ATRAID: variants seen among roughly 807,000 people sequenced by gnomAD.
The protein encoded by ATRAID is all-trans retinoic acid induced differentiation factor, also known as all-trans retinoic acid-induced differentiation factor.
In ATRAID, 26 loss-of-function variants were observed where a neutral mutation model predicts 28.8. The observed-to-expected ratio is 0.90, with a 90% CI of 0.66 to 1.25. The LOEUF (loss-of-function observed/expected upper bound fraction) is 1.25, where lower values mean the gene tolerates loss of function less well. Ranked by LOEUF, ATRAID falls within the 50% of genes most tolerant of loss-of-function variation. The pLI, the probability that ATRAID is intolerant of heterozygous loss-of-function variation, is 0.00. For synonymous variants in ATRAID, 131 were observed against 108.5 expected, an observed-to-expected ratio of 1.21 and a Z score of -1.29; for missense variants, 308 against 285.9, an observed-to-expected ratio of 1.08 and a Z score of -0.56.
At chr2:27,216,646 G>C (rs781457675) in intron 6 of ATRAID, 26 bp downstream of exon 6, 1 of 1,585,952 alleles carries the variant, frequency 6.3e-7, no homozygotes, top group African/African-American at 1.3e-5. Flanking sequence ...GTCTAACTAG[G>C]GATACAAGGA....
At chr2:27,216,378 T>C (rs1484881226) in intron 5 of ATRAID, 145 bp from the exon 6 acceptor site, 10 of 713,408 alleles carry the variant, frequency 1.4e-5, no homozygotes, top group South Asian at 6.7e-5. Context: ...GGCCTGACAT[T>C]ATTGTTACTG....
chr2:27,215,208 A>G, intron 2 of ATRAID, 113 bp from the exon 3 acceptor site: 1 of 1,048,212 alleles, frequency 9.5e-7, no homozygotes, highest in South Asian at 1.4e-5. Context: ...GACTCTGAAC[A>G]CAGCTGTGTT....
intron 5 of ATRAID, 107 bp downstream of exon 5, chr2:27,215,860 T>C (rs1674805977): frequency 7.0e-7 from 1 of 1,428,642 alleles, no homozygotes. Context: ...TTCAGAGTTC[T>C]GGGGCTATAA....
At position 27,215,620 on chromosome 2, in the gene ATRAID, A is replaced by G; in HGVS notation, c.366-12A>G. 6.2e-7 allele frequency: 1 copy of G among 1,614,178 alleles called. No individual in the cohort carries two copies. Among genetic ancestry groups the G allele is most frequent in the Non-Finnish European group, 8.5e-7 (1 of 1,180,020 alleles). On this transcript the variant is annotated splice_polypyrimidine_tract_variant and intron_variant, in intron 4 of 6. Transcript: ENST00000380171. ...TAGCAACTTTGCATGTTATGACCAC[A>G]TTTCTCTATAGGATACTGCCACAAC... is the stretch of plus-strand genomic sequence containing the variant.
chr2:27,212,532 C>T, intron 1 of ATRAID, 65 bp downstream of exon 1: 1 of 1,505,842 alleles, frequency 6.6e-7, no homozygotes. Context: ...TCGCGCTCGC[C>T]AGCGGCTCCC....
rs1558522949 is a variant in ATRAID, at chr2:27,216,892, C to CT, written c.635dup (p.Ser213IlefsTer31). On this transcript the variant is annotated frameshift_variant, in exon 7 of 7. Coordinates refer to ENST00000380171, the MANE Select transcript of ATRAID (RefSeq NM_001170795.4). LOFTEE classifies it high-confidence loss of function. ...CTTCGGGATTCTGGGAGCCACCACT[C>CT]TATCCGTCTCCATTCTGCTTTGGGC... The CT allele has an allele frequency of 6.2e-7, 1 of 1,614,236 alleles. No homozygotes were observed. Among genetic ancestry groups the CT allele is most frequent in the Admixed American group, 1.7e-5 (1 of 60,028 alleles).
Position 27,212,290 on chromosome 2 carries a change from G to A in ATRAID, c.-79G>A. On this transcript the variant is annotated 5_prime_UTR_variant, in exon 1 of 7. Coordinates refer to ENST00000380171, the MANE Select transcript of ATRAID (RefSeq NM_001170795.4). Reference sequence around the variant, plus strand: ...GACCGGGCCGCTTAGGCCACGCCCGGGGAAGAGGGCCTGACGCGCTGCGGG... The same window carrying A: ...GACCGGGCCGCTTAGGCCACGCCCGAGGAAGAGGGCCTGACGCGCTGCGGG... 1 of 1,552,856 alleles carries A rather than the reference G, an allele frequency of 6.4e-7. No homozygotes were observed.
rs1013160176 is a variant in ATRAID, at chr2:27,212,127, G to A, written c.-242G>A. On this transcript the variant is annotated 5_prime_UTR_variant, in exon 1 of 7. Transcript: ENST00000380171. ...TGCAGTCGGCTCCGGGAAGCCGCGCGGCGACGGGGGAGGCCTTCACTAAAG... is the reference window on the plus strand; with the variant it reads ...TGCAGTCGGCTCCGGGAAGCCGCGCAGCGACGGGGGAGGCCTTCACTAAAG... 4 of 1,504,368 alleles carry A rather than the reference G, an allele frequency of 2.7e-6. No homozygotes were observed. The African/African-American group carries it at 5.8e-5, about 22-fold the overall frequency. 93.2% of individuals were successfully genotyped at this position (1,504,368 alleles called of 1,614,324 possible). A position where few individuals can be genotyped will look rare whatever the true frequency, so the allele number is the denominator to read the frequency against.
intron 6 of ATRAID, 76 bp downstream of exon 6, chr2:27,216,696 A>AC (rs1674853851): frequency 6.8e-7 from 1 of 1,476,244 alleles, no homozygotes; most frequent in African/African-American, 1.4e-5. Flanking sequence ...GAGCCACAAG[A>AC]CCAGGAGCTG....
chr2:27,215,145 C>T (rs1348733978), intron 2 of ATRAID, among the ~76,000 whole-genome samples, 176 bp from the exon 3 acceptor site: 2 of 152,012 alleles, frequency 1.3e-5, no homozygotes, highest in Non-Finnish European at 2.9e-5. Flanking sequence ...TGGCAAGTGG[C>T]GATTCTATTG....
chr2:27,212,626 CACGTCGTGCA>C, intron 1 of ATRAID, 159 bp downstream of exon 1: 1 of 1,414,632 alleles, frequency 7.1e-7, no homozygotes, highest in East Asian at 2.7e-5. Flanking sequence ...CCCAAGTACT[CACGTCGTGCA>C]GGCCTTCGGC....
Position 27,213,256 on chromosome 2 carries a change from T to C in ATRAID, c.179T>C (p.Leu60Pro), listed in dbSNP as rs754830231. 6.2e-7 allele frequency: 1 copy of C among 1,614,214 alleles called. No individual in the cohort carries two copies. Residue 60 changes from leucine (L) to proline (P), a missense_variant, in exon 2 of 7, where the codon CTG becomes CCG. Leu to Pro is a moderately conservative substitution (Grantham distance 98). Coordinates refer to ENST00000380171, the MANE Select transcript of ATRAID (RefSeq NM_001170795.4). ...TGTAAAACGACACGAGAGCTAATGC[T>C]GCATGCCCGTTGCTGCCTGAATCAG... is the stretch of plus-strand genomic sequence containing the variant. ...FYCKTTRELM[L>P]HARCCLNQKG...
At chr2:27,213,052 A>G in intron 1 of ATRAID, 125 bp from the exon 2 acceptor site, 1 of 1,222,594 alleles carries the variant, frequency 8.2e-7, no homozygotes, top group Non-Finnish European at 1.2e-6. Context: ...CGAGCCGTTT[A>G]TCCATTTATC....
chr2:27,212,527 C>T, intron 1 of ATRAID, 60 bp downstream of exon 1: 1 of 1,507,348 alleles, frequency 6.6e-7, no homozygotes, highest in East Asian at 2.5e-5. Flanking sequence ...GTGCGTCGCG[C>T]TCGCCAGCGG....
At chr2:27,215,592 G>A (rs759659778) in intron 4 of ATRAID, 40 bp from the exon 5 acceptor site, 3 of 1,614,208 alleles carry the variant, frequency 1.9e-6, no homozygotes, top group Non-Finnish European at 2.5e-6. Flanking sequence ...GATGCTGTGA[G>A]TTTAGCAACT....
chr2:27,212,549 C>T, intron 1 of ATRAID, 82 bp downstream of exon 1: 1 of 1,495,640 alleles, frequency 6.7e-7, no homozygotes, highest in Non-Finnish European at 8.9e-7. Flanking sequence ...TCCCCCTTCT[C>T]CTCGGCGGGC....
In ATRAID at chr2:27,217,084, T is replaced by C; in HGVS notation, c.*136T>C. 3.0e-6 allele frequency: 2 copies of C among 672,696 alleles called. No homozygotes were observed. 41.7% of individuals were successfully genotyped at this position (672,696 alleles called of 1,614,324 possible). A position where few individuals can be genotyped will look rare whatever the true frequency, so the allele number is the denominator to read the frequency against. ...GAGGCCGCCATTGGAAGATGAAAAA[T>C]TGCACTCCCTTGGTGTAGACAAATA... On this transcript the variant is annotated 3_prime_UTR_variant, in exon 7 of 7. Coordinates refer to ENST00000380171, the MANE Select transcript of ATRAID (RefSeq NM_001170795.4).
Position 27,212,104 on chromosome 2 carries a change from C to T in ATRAID, c.-265C>T, listed in dbSNP as rs1278255984. The stretch of plus-strand genomic sequence containing the variant: ...GGGAACACCGGGCTGAGGGAGTCTG[C>T]AGTCGGCTCCGGGAAGCCGCGCGGC... On this transcript the variant is annotated 5_prime_UTR_variant, in exon 1 of 7. Transcript: ENST00000380171. The T allele has an allele frequency of 1.4e-6, 2 of 1,463,526 alleles. No homozygotes were observed. Among genetic ancestry groups the T allele is most frequent in the Non-Finnish European group, 1.8e-6 (2 of 1,100,056 alleles). 90.7% of individuals were successfully genotyped at this position (1,463,526 alleles called of 1,614,324 possible).
At position 27,212,348 on chromosome 2, in the gene ATRAID, G is replaced by C. The variant is rs1413724153; in HGVS notation, c.-21G>C. 1 of 1,549,848 alleles carries C rather than the reference G, an allele frequency of 6.5e-7. No individual in the cohort carries two copies. The highest frequency in any genetic ancestry group is 2.0e-5 in the Admixed American group (1 of 50,938). On this transcript the variant is annotated 5_prime_UTR_variant, in exon 1 of 7. Coordinates refer to ENST00000380171, the MANE Select transcript of ATRAID (RefSeq NM_001170795.4). ...CGCGGGGCCGGGTCGCGCGAGCAGC[G>C]GAGCACCAAGGGAACGGAAAATGGC... is the stretch of plus-strand genomic sequence containing the variant.
Sources: allele counts gnomAD v4.1 joint callset (sites outside exome capture counted in the v4.1 genomes callset), GRCh38; gene constraint gnomAD v4.1.1; transcripts MANE v1.5; gene names NCBI Gene and HGNC (gene_info 2026-07-23, HGNC 2026-07-21).